The following NTM variants were observed in gnomAD, a reference collection of about 807,000 sequenced individuals.
NTM encodes the protein IgLON family member 2.
A neutral mutation model predicts 42.1 loss-of-function variants in NTM; 13 were observed. That is an observed-to-expected ratio of 0.31 (90% CI 0.20 to 0.49). The LOEUF (loss-of-function observed/expected upper bound fraction) is 0.49, where lower values mean the gene tolerates loss of function less well. Ranked by LOEUF, NTM falls within the 20% of genes least tolerant of loss-of-function variation. The pLI, the probability that NTM is intolerant of heterozygous loss-of-function variation, is 0.99. For missense variants in NTM, 373 were observed against 452.8 expected (o/e 0.82, Z 1.60); for synonymous variants, 187 against 179.2 (o/e 1.04, Z -0.35).
intron 3 of NTM, chr11:132,211,783 T>G (rs2082890438): frequency 8.8e-6 from 3 of 342,342 alleles, no homozygotes; most frequent in Non-Finnish European, 1.6e-5. Context: ...GCTATTCCAG[T>G]GTTGCAGTAG....
intron 3 of NTM, among the ~76,000 whole-genome samples, chr11:132,209,435 A>T (rs201176496): frequency 1.9e-5 from 1 of 52,188 alleles, no homozygotes; most frequent in South Asian, 4.4e-4. Context: ...GCATATGCAG[A>T]GACACACACG....
chr11:132,235,568 T>C (rs1284249580), intron 4 of NTM, among the ~76,000 whole-genome samples: 2 of 152,162 alleles, frequency 1.3e-5, no homozygotes, highest in Non-Finnish European at 2.9e-5. Flanking sequence ...TTCCTCTCCC[T>C]ATGTAGCACT....
chr11:131,554,434 A>G (rs2055116607), intron 1 of NTM, among the ~76,000 whole-genome samples: 1 of 152,168 alleles, frequency 6.6e-6, no homozygotes, highest in Non-Finnish European at 1.5e-5. Flanking sequence ...TTTTGGCAGG[A>G]AAAATTAAGA....
At chr11:131,554,480 C>T (rs2055120401) in intron 1 of NTM, among the ~76,000 whole-genome samples, 1 of 151,064 alleles carries the variant, frequency 6.6e-6, no homozygotes, top group African/African-American at 2.4e-5. Context: ...ATAAGTATTG[C>T]TGCAAATAAT....
At chr11:132,163,517 G>A (rs748314534) in intron 3 of NTM, among the ~76,000 whole-genome samples, 9 of 152,246 alleles carry the variant, frequency 5.9e-5, no homozygotes, top group South Asian at 2.1e-4. Flanking sequence ...AGCCCTGTGC[G>A]ATAGATGCTG....
At chr11:131,744,254 C>T (rs969860683) in intron 1 of NTM, among the ~76,000 whole-genome samples, 2 of 152,130 alleles carry the variant, frequency 1.3e-5, no homozygotes, top group Admixed American at 1.3e-4. Flanking sequence ...AAATTCCATA[C>T]AAATAATTTG....
At chr11:131,843,026 A>AATAC (rs1387158246) in intron 1 of NTM, among the ~76,000 whole-genome samples, 1 of 152,038 alleles carries the variant, frequency 6.6e-6, no homozygotes, top group East Asian at 1.9e-4. Flanking sequence ...TAAATAAATA[A>AATAC]ATAAATAAAT....
chr11:132,118,552 T>C (rs932343204), intron 2 of NTM, among the ~76,000 whole-genome samples: 5 of 152,194 alleles, frequency 3.3e-5, no homozygotes, highest in African/African-American at 1.2e-4. Flanking sequence ...GGGCTTCCTC[T>C]CCAAGGACAG....
intron 2 of NTM, among the ~76,000 whole-genome samples, chr11:132,009,307 G>A (rs1310776386): frequency 6.6e-6 from 1 of 152,138 alleles, no homozygotes; most frequent in Non-Finnish European, 1.5e-5. Flanking sequence ...ACTCCTCATT[G>A]TGTACCTGGC....
At chr11:132,088,391 A>AT (rs2059995095) in intron 2 of NTM, among the ~76,000 whole-genome samples, 3 of 152,180 alleles carry the variant, frequency 2.0e-5, no homozygotes, top group East Asian at 3.9e-4. Context: ...ATGATGCAGG[A>AT]TTTTTTCTCC....
rs566106463 is a variant in NTM at position 131,378,496 on chromosome 11, C to T, written c.82+7608C>T. Among the ~76,000 whole-genome samples, 5 of 152,134 alleles carry T rather than the reference C, an allele frequency of 3.3e-5. No individual in the cohort carries two copies. In the East Asian group the frequency reaches 5.8e-4, roughly 18 times the overall value. On this transcript the variant is annotated intron_variant, in intron 1 of 8. Coordinates refer to ENST00000683400, the MANE Select transcript of NTM (RefSeq NM_001352005.2). ...TCAGAACATGTAAATGGTGTGTGTG[C>T]GTGCAAACTCTACGTGCTATCTCAT...
chr11:131,663,379 C>T (rs1434514738), intron 1 of NTM: 3 of 152,236 alleles, frequency 2.0e-5, no homozygotes, highest in Non-Finnish European at 4.4e-5. Flanking sequence ...TCGATCTGAC[C>T]ATCTCCCTAG....
chr11:131,790,385 A>G (rs2090759014), intron 1 of NTM, among the ~76,000 whole-genome samples: 1 of 151,774 alleles, frequency 6.6e-6, no homozygotes, highest in Non-Finnish European at 1.5e-5. Context: ...TTTTTCTTCA[A>G]TACATTGGGA....
intron 1 of NTM, among the ~76,000 whole-genome samples, chr11:131,777,681 G>C (rs565567927): frequency 1.3e-5 from 2 of 151,964 alleles, no homozygotes; most frequent in Non-Finnish European, 1.5e-5. Flanking sequence ...GTTCCCTCTA[G>C]TTTCCTTGCA....
At position 131,405,288 on chromosome 11, in the gene NTM, C is replaced by G. The variant is rs546335628; in HGVS notation, c.82+34400C>G. On this transcript the variant is annotated intron_variant, in intron 1 of 8. Coordinates refer to ENST00000683400, the MANE Select transcript of NTM (RefSeq NM_001352005.2). ...TTTTATATCAATGCCCAGACCTTCC[C>G]CATGAACTTCATTGCATCCATTTGA... Among the ~76,000 whole-genome samples, 44 of 152,246 alleles carry G rather than the reference C, an allele frequency of 2.9e-4. 1 individual carries two copies. In the South Asian group the frequency reaches 8.5e-3, roughly 29 times the overall value.
chr11:132,161,568 C>G (rs1438832518), intron 3 of NTM, among the ~76,000 whole-genome samples: 2 of 151,964 alleles, frequency 1.3e-5, no homozygotes, highest in Non-Finnish European at 2.9e-5. Context: ...ATTCCGGGCA[C>G]TGTGCACCCG....
chr11:131,547,404 T>G (rs747248364), intron 1 of NTM, among the ~76,000 whole-genome samples: 11 of 152,200 alleles, frequency 7.2e-5, no homozygotes, highest in Non-Finnish European at 1.0e-4. Context: ...GCTGGCCTGA[T>G]CCAGACGATC....
At chr11:132,114,181 A>G (rs1439258349) in intron 2 of NTM, among the ~76,000 whole-genome samples, 1 of 152,240 alleles carries the variant, frequency 6.6e-6, no homozygotes, top group African/African-American at 2.4e-5. Flanking sequence ...AAAAGATCTT[A>G]TCTTGCTTTT....
At chr11:131,385,054 C>A (rs1382462803) in intron 1 of NTM, among the ~76,000 whole-genome samples, 1 of 152,164 alleles carries the variant, frequency 6.6e-6, no homozygotes, top group Non-Finnish European at 1.5e-5. Flanking sequence ...CGGGCATTGC[C>A]CCCTGCAGAT....
Sources: allele counts gnomAD v4.1 joint callset (sites outside exome capture counted in the v4.1 genomes callset), GRCh38; gene constraint gnomAD v4.1.1; transcripts MANE v1.5; gene names NCBI Gene and HGNC (gene_info 2026-07-23, HGNC 2026-07-21).